MTSS1: variants seen among roughly 807,000 people sequenced by gnomAD.
The protein encoded by MTSS1 is MTSS I-BAR domain containing 1, also known as protein MTSS 1.
MTSS1 carries 18 observed loss-of-function variants against 79.0 expected under a neutral mutation model. The observed-to-expected ratio is 0.23, with a 90% CI of 0.16 to 0.34. MTSS1 has a LOEUF of 0.34. MTSS1 is among the 10% of genes least tolerant of loss of function. The pLI, the probability that MTSS1 is intolerant of heterozygous loss-of-function variation, is 1.00. For missense variants in MTSS1, 815 were observed against 986.2 expected, an observed-to-expected ratio of 0.83 and a Z score of 2.33; for synonymous variants, 341 against 368.6, an observed-to-expected ratio of 0.93 and a Z score of 0.86.
At chr8:124,662,081 G>T (rs1208378825) in intron 3 of MTSS1, among the ~76,000 whole-genome samples, 5 of 152,178 alleles carry the variant, frequency 3.3e-5, no homozygotes, top group Non-Finnish European at 7.3e-5. Context: ...GAAAGTTAAT[G>T]GGAAAGGCAG....
At chr8:124,627,283 G>A (rs1158295569) in intron 3 of MTSS1, among the ~76,000 whole-genome samples, 1 of 152,184 alleles carries the variant, frequency 6.6e-6, no homozygotes, top group Non-Finnish European at 1.5e-5. Context: ...CAAAAGATGA[G>A]GGCTGGCTAT....
At chr8:124,720,472 A>T (rs1393953236) in intron 1 of MTSS1, among the ~76,000 whole-genome samples, 1 of 152,148 alleles carries the variant, frequency 6.6e-6, no homozygotes, top group South Asian at 2.1e-4. Flanking sequence ...GACCCTAATA[A>T]AGCAACTTTC....
At chr8:124,602,284 C>T (rs148027726) in intron 3 of MTSS1, among the ~76,000 whole-genome samples, 88 of 150,374 alleles carry the variant, frequency 5.9e-4, no homozygotes, top group South Asian at 1.9e-3. Flanking sequence ...ACTGCAACCT[C>T]CGCCTCCTGG....
At chr8:124,632,623 G>A (rs538018304) in intron 3 of MTSS1, among the ~76,000 whole-genome samples, 17 of 152,274 alleles carry the variant, frequency 1.1e-4, no homozygotes, top group Admixed American at 9.8e-4. Context: ...AAAACCTCTT[G>A]GGAACTCATC....
intron 6 of MTSS1, among the ~76,000 whole-genome samples, chr8:124,571,288 A>G (rs2132171991): frequency 6.6e-6 from 1 of 152,330 alleles, no homozygotes; most frequent in East Asian, 1.9e-4. Context: ...GAAAACTGTG[A>G]GTTTTCTCTT....
chr8:124,705,461 A>G (rs1209895150), intron 1 of MTSS1, among the ~76,000 whole-genome samples: 1 of 152,142 alleles, frequency 6.6e-6, no homozygotes, highest in African/African-American at 2.4e-5. Context: ...ACAGAGCAAC[A>G]CTCCGTCTCA....
At chr8:124,641,174 G>A (rs534769882) in intron 3 of MTSS1, among the ~76,000 whole-genome samples, 18 of 152,268 alleles carry the variant, frequency 1.2e-4, no homozygotes, top group Middle Eastern at 6.8e-3. Flanking sequence ...AGCCCCCAGT[G>A]CCCTGATGGG....
intron 3 of MTSS1, among the ~76,000 whole-genome samples, chr8:124,644,622 T>G (rs1034446534): frequency 6.6e-6 from 1 of 152,244 alleles, no homozygotes; most frequent in Non-Finnish European, 1.5e-5. Context: ...AATATTTACC[T>G]GCTCTCTCCA....
chr8:124,721,190 A>G (rs1256273255), intron 1 of MTSS1, among the ~76,000 whole-genome samples: 2 of 152,152 alleles, frequency 1.3e-5, no homozygotes, highest in Admixed American at 1.3e-4. Context: ...TAAACAAATG[A>G]AAAGTGACTA....
At chr8:124,563,042 G>A (rs754442903) in intron 9 of MTSS1, 50 bp from the exon 10 acceptor site, 2 of 1,493,360 alleles carry the variant, frequency 1.3e-6, no homozygotes, top group Middle Eastern at 2.3e-4. Context: ...GTAAAGAAAG[G>A]GGAGCAGTGG....
In MTSS1 at chr8:124,574,627, C is replaced by T. The variant is rs1438792316; in HGVS notation, c.461-6091G>A. Among the ~76,000 whole-genome samples, 3 of 152,188 alleles carry T rather than the reference C, an allele frequency of 2.0e-5. No homozygotes were observed. The East Asian group carries it at 5.8e-4, about 29-fold the overall frequency. On this transcript the variant is annotated intron_variant, in intron 6 of 13. Transcript: ENST00000518547. ...GTGATTCGTATTATCTGTACTGGCC[C>T]AGCCTCTTCAGACACAAGCTGCACT...
chr8:124,593,070 A>C (rs1832126516), intron 3 of MTSS1, among the ~76,000 whole-genome samples: 2 of 152,230 alleles, frequency 1.3e-5, no homozygotes, highest in African/African-American at 4.8e-5. Context: ...TGCCACGGCC[A>C]TCTCAGCGTT....
rs1298370471 is a variant in MTSS1 at position 124,551,940 on chromosome 8, C to T, written c.*1052G>A. 1 of 152,646 alleles carries T rather than the reference C, an allele frequency of 6.6e-6. No individual in the cohort carries two copies. 9.5% of individuals were successfully genotyped at this position (152,646 alleles called of 1,614,324 possible). A position where few individuals can be genotyped will look rare whatever the true frequency, so the allele number is the denominator to read the frequency against. On this transcript the variant is annotated 3_prime_UTR_variant, in exon 14 of 14. Coordinates refer to ENST00000518547, the MANE Select transcript of MTSS1 (RefSeq NM_014751.6). The stretch of plus-strand genomic sequence containing the variant: ...TAGACTCCAAGCTGGCTACCCTTGT[C>T]AAATCTGTTCGAGTTTTTTCAAAAT...
chr8:124,590,903 G>A (rs1831752784), intron 4 of MTSS1, among the ~76,000 whole-genome samples: 1 of 152,214 alleles, frequency 6.6e-6, no homozygotes, highest in South Asian at 2.1e-4. Flanking sequence ...ACAGACAAAG[G>A]GTAAGGAGAG....
At chr8:124,629,891 A>G (rs1815570335) in intron 3 of MTSS1, among the ~76,000 whole-genome samples, 2 of 152,186 alleles carry the variant, frequency 1.3e-5, no homozygotes, top group South Asian at 2.1e-4. Context: ...AAAACATATC[A>G]CACACACCGT....
At chr8:124,607,791 C>A (rs1040390253) in intron 3 of MTSS1, among the ~76,000 whole-genome samples, 3 of 152,180 alleles carry the variant, frequency 2.0e-5, no homozygotes, top group Non-Finnish European at 4.4e-5. Flanking sequence ...CTTAAGCACT[C>A]ACAGTCCTTT....
intron 1 of MTSS1, among the ~76,000 whole-genome samples, chr8:124,713,499 C>T (rs1393847394): frequency 6.6e-6 from 1 of 152,250 alleles, no homozygotes; most frequent in Admixed American, 6.5e-5. Flanking sequence ...TCTTGGCTCA[C>T]TGCAACCTCC....
intron 4 of MTSS1, among the ~76,000 whole-genome samples, chr8:124,590,836 G>C (rs528933198): frequency 6.6e-6 from 1 of 152,158 alleles, no homozygotes; most frequent in African/African-American, 2.4e-5. Flanking sequence ...TTCTTGCGAG[G>C]CTCCCGCAGG....
chr8:124,589,446 C>T (rs1831442439), intron 5 of MTSS1, among the ~76,000 whole-genome samples, 174 bp downstream of exon 5: 1 of 152,214 alleles, frequency 6.6e-6, no homozygotes, highest in Admixed American at 6.5e-5. Context: ...AACGGGATCA[C>T]TTTGTTCTCC....
Sources: gnomAD v4.1 joint callset for allele counts (sites outside exome capture counted in the v4.1 genomes callset) on GRCh38, gnomAD v4.1.1 for gene constraint, MANE v1.5 for transcripts, NCBI Gene and HGNC (gene_info 2026-07-23, HGNC 2026-07-21) for gene names.